The following MARS1 variants were observed in gnomAD, a reference collection of about 807,000 sequenced individuals.
The protein encoded by MARS1 is methionyl-tRNA synthetase 1, also known as methionine--tRNA ligase, cytoplasmic.
MARS1 carries 80 observed loss-of-function variants against 119.5 expected under a neutral mutation model. The observed-to-expected ratio is 0.67, with a 90% confidence interval of 0.56 to 0.81. The LOEUF (loss-of-function observed/expected upper bound fraction) is 0.81, where lower values mean the gene tolerates loss of function less well. Ranked by LOEUF, MARS1 falls within the 30% of genes least tolerant of loss-of-function variation. The pLI is 0.00. For synonymous variants in MARS1, 418 were observed against 433.4 expected (o/e 0.96, Z 0.44); for missense variants, 945 against 1,116.5 (o/e 0.85, Z 2.19).
chr12:57,514,917 A>G, intron 16 of MARS1, 37 bp from the exon 17 acceptor site: 1 of 1,614,014 alleles, frequency 6.2e-7, no homozygotes, highest in Non-Finnish European at 8.5e-7. Context: ...TGGTCTCTGT[A>G]GGACATTACA....
rs1363373533 is a variant in MARS1, at chr12:57,512,978, AG to A, written c.1967+18del. The A allele has an allele frequency of 1.9e-6, 3 of 1,611,808 alleles. No homozygotes were observed. The African/African-American group carries it at 4.0e-5, about 22-fold the overall frequency. On this transcript the variant is annotated intron_variant, in intron 15 of 20. Coordinates refer to ENST00000262027, the MANE Select transcript of MARS1 (RefSeq NM_004990.4). ...CTTCATCAACAGGTAGGACTTGGTAAGGGGTCAGAGTTAGCAGTGAGCTGGG... is the reference window on the plus strand; with the variant it reads ...CTTCATCAACAGGTAGGACTTGGTAAGGGTCAGAGTTAGCAGTGAGCTGGG...
chr12:57,494,593 AAGGTCAGC>A (rs1876490821), intron 7 of MARS1, among the ~76,000 whole-genome samples: 1 of 147,856 alleles, frequency 6.8e-6, no homozygotes, highest in Admixed American at 6.9e-5. Flanking sequence ...TAGTGGAGGG[AAGGTCAGC>A]AGATAAACAT....
intron 7 of MARS1, among the ~76,000 whole-genome samples, chr12:57,491,545 ACT>A (rs1462971373): frequency 6.6e-6 from 1 of 152,064 alleles, no homozygotes; most frequent in Non-Finnish European, 1.5e-5. Flanking sequence ...TGTCACTGTC[ACT>A]ACACAGATAC....
At chr12:57,493,910 ATAT>A in intron 7 of MARS1, among the ~76,000 whole-genome samples, 1 of 70,010 alleles carries the variant, frequency 1.4e-5, no homozygotes, top group Non-Finnish European at 2.5e-5. Context: ...TATATAATAT[ATAT>A]AATATATATA....
chr12:57,511,205 TC>T (rs1877498104), intron 11 of MARS1, among the ~76,000 whole-genome samples: 1 of 152,150 alleles, frequency 6.6e-6, no homozygotes, highest in Non-Finnish European at 1.5e-5. Context: ...GGTCATGAAC[TC>T]CTGCCCTCAA....
chr12:57,513,154 G>T (rs577708841), intron 15 of MARS1, among the ~76,000 whole-genome samples, 190 bp downstream of exon 15: 14 of 152,346 alleles, frequency 9.2e-5, no homozygotes, highest in Non-Finnish European at 1.6e-4. Context: ...GGAACAGTTA[G>T]CTGTAGAGAT....
At chr12:57,494,494 A>ATTTTTTTTTTT (rs59160934) in intron 7 of MARS1, among the ~76,000 whole-genome samples, 11 of 95,468 alleles carry the variant, frequency 1.2e-4, no homozygotes, top group Non-Finnish European at 1.9e-4. Context: ...CGCCTGGCTA[A>ATTTTTTTTTTT]TTTTTTTTTT....
At chr12:57,505,501 C>T (rs1284658088) in intron 11 of MARS1, among the ~76,000 whole-genome samples, 1 of 151,920 alleles carries the variant, frequency 6.6e-6, no homozygotes, top group South Asian at 2.1e-4. Context: ...CTTCTGTACC[C>T]TGGGCTTGGA....
At chr12:57,501,887 T>A (rs1192165739) in intron 10 of MARS1, among the ~76,000 whole-genome samples, 1 of 150,948 alleles carries the variant, frequency 6.6e-6, no homozygotes, top group South Asian at 2.1e-4. Context: ...CCCAGCTACT[T>A]GGGAGGCTGA....
At chr12:57,489,382 T>C in intron 3 of MARS1, 37 bp downstream of exon 3, 1 of 1,614,140 alleles carries the variant, frequency 6.2e-7, no homozygotes. Flanking sequence ...GGCAGGCCCT[T>C]GTTCTGCGTG....
chr12:57,490,241 ACT>A lies in MARS1; in HGVS notation c.526_527del (p.Leu176GlufsTer36). On this transcript the variant is annotated frameshift_variant, in exon 6 of 21. Coordinates refer to ENST00000262027, the MANE Select transcript of MARS1 (RefSeq NM_004990.4). LOFTEE classifies it high-confidence loss of function. ...GTGCCCTGCACAGCTGGTTCCAGAC[ACT>A]GAGTACCCAGGAACCATGTCAGCGA... Reference protein sequence around the residue: ...LSALHSWFQTLSTQEPCQRAA... With the variant: ...LSALHSWFQTXSTQEPCQRAA... 6.2e-7 allele frequency: 1 copy of A among 1,613,912 alleles called. No individual in the cohort carries two copies. Among genetic ancestry groups the A allele is most frequent in the Non-Finnish European group, 8.5e-7 (1 of 1,180,020 alleles).
intron 7 of MARS1, 34 bp downstream of exon 7, chr12:57,490,678 AT>A: frequency 6.4e-7 from 1 of 1,559,334 alleles, no homozygotes; most frequent in Non-Finnish European, 8.8e-7. Context: ...GTGGGGCTTG[AT>A]TTTGTAGTGG....
intron 7 of MARS1, among the ~76,000 whole-genome samples, chr12:57,493,046 C>A (rs376775628): frequency 1.6e-4 from 25 of 151,726 alleles, no homozygotes; most frequent in African/African-American, 6.0e-4. Context: ...AGGAGTTCTG[C>A]CTTTTCCTTC....
chr12:57,505,944 A>T (rs1877160456), intron 11 of MARS1, among the ~76,000 whole-genome samples: 1 of 151,788 alleles, frequency 6.6e-6, no homozygotes, highest in Non-Finnish European at 1.5e-5. Context: ...CAAGACCCTG[A>T]CTCTACAAAC....
In MARS1 at chr12:57,489,353, T is replaced by C; in HGVS notation, c.279+8T>C. The stretch of plus-strand genomic sequence containing the variant: ...GAAGCGACAGAGCTGCAGGTAGGAC[T>C]AAGGTATGGGGGATGTCAGGCAGGC... On this transcript the variant is annotated splice_region_variant and intron_variant, in intron 3 of 20. Coordinates refer to ENST00000262027, the MANE Select transcript of MARS1 (RefSeq NM_004990.4). 6.2e-7 allele frequency: 1 copy of C among 1,614,088 alleles called. No homozygotes were observed. Among genetic ancestry groups the C allele is most frequent in the Non-Finnish European group, 8.5e-7 (1 of 1,180,020 alleles).
In MARS1 at chr12:57,515,037, T is replaced by A. The variant is rs1185022387; in HGVS notation, c.2183T>A (p.Ile728Asn). Residue 728 changes from isoleucine to asparagine, a missense_variant, in exon 17 of 21, where the codon ATT becomes AAT. By Grantham distance (149) the Ile-to-Asn change is moderately radical. Transcript: ENST00000262027. ...CAGGTGAATGAGCCCTGGAAGCGGATTAAAGGCAGTGAGGCTGACAGGTAG... is the reference window on the plus strand; with the variant it reads ...CAGGTGAATGAGCCCTGGAAGCGGAATAAAGGCAGTGAGGCTGACAGGTAG... ...YIQVNEPWKR[I>N]KGSEADRQRA... 1 of 1,614,100 alleles carries A rather than the reference T, an allele frequency of 6.2e-7. No homozygotes were observed. The highest frequency in any genetic ancestry group is 1.1e-5 in the South Asian group (1 of 91,076).
intron 7 of MARS1, among the ~76,000 whole-genome samples, chr12:57,495,624 T>C (rs1876578400): frequency 1.3e-5 from 2 of 152,116 alleles, no homozygotes; most frequent in Admixed American, 6.5e-5. Context: ...GCTGCAATCT[T>C]GGCACTTTGG....
intron 7 of MARS1, among the ~76,000 whole-genome samples, chr12:57,495,562 A>G (rs1236793944): frequency 1.4e-5 from 2 of 147,742 alleles, no homozygotes; most frequent in Non-Finnish European, 3.0e-5. Context: ...GACGATGGGC[A>G]GCCAGGCTGA....
intron 11 of MARS1, among the ~76,000 whole-genome samples, chr12:57,510,615 A>G (rs1412972141): frequency 6.6e-6 from 1 of 151,610 alleles, no homozygotes; most frequent in Non-Finnish European, 1.5e-5. Flanking sequence ...AAAAAAAAAA[A>G]AGAAAATTTT....
Sources: allele counts gnomAD v4.1 joint callset (sites outside exome capture counted in the v4.1 genomes callset), GRCh38; gene constraint gnomAD v4.1.1; transcripts MANE v1.5; gene names NCBI Gene and HGNC (gene_info 2026-07-23, HGNC 2026-07-21).